Variants in GYPB observed in about 807,000 individuals in gnomAD.
The protein encoded by GYPB is glycophorin-B.
In GYPB, 13 loss-of-function variants were observed where a neutral mutation model predicts 15.3. The ratio of observed to expected loss-of-function variants is 0.85; its 90% CI spans 0.55 to 1.35. The LOEUF (loss-of-function observed/expected upper bound fraction) is 1.35. GYPB is among the 40% of genes most tolerant of loss of function. The pLI is 0.00. For synonymous variants in GYPB, 38 were observed against 36.9 expected (o/e 1.03, Z -0.11); for missense variants, 131 against 108.3 (o/e 1.21, Z -0.93).
At chr4:143,995,242 A>G (rs1452803407), downstream of GYPB, among the ~76,000 whole-genome samples, 5 of 151,606 alleles carry the variant, frequency 3.3e-5, no homozygotes, top group East Asian at 9.7e-4. Flanking sequence ...TTTAGAATTT[A>G]TACATTCAAA....
At chr4:144,010,433 C>T (rs1728157692) in intron 1 of GYPB, among the ~76,000 whole-genome samples, 1 of 151,382 alleles carries the variant, frequency 6.6e-6, no homozygotes, top group Non-Finnish European at 1.5e-5. Context: ...TGTGCCGTTG[C>T]AGTCCAGCTT....
chr4:143,999,210 C>T (rs973108600), intron 3 of GYPB: 2 of 467,122 alleles, frequency 4.3e-6, no homozygotes, highest in Admixed American at 4.4e-5. Flanking sequence ...CCCCTGGCCC[C>T]CAAAATGTTT....
In GYPB at chr4:144,016,342, C is replaced by T. The variant is rs532233161; in HGVS notation, c.37+2909G>A. On this transcript the variant is annotated intron_variant, in intron 1 of 4. Coordinates refer to ENST00000502664, the MANE Select transcript of GYPB (RefSeq NM_002100.6). Reference sequence around the variant, plus strand: ...TCCTCCCCTTCCTCCTGTCTCTTCCCTTCCCTTCTCTCTTCTCCCTTCTTG... The same window carrying T: ...TCCTCCCCTTCCTCCTGTCTCTTCCTTTCCCTTCTCTCTTCTCCCTTCTTG... Among the ~76,000 whole-genome samples, 317 of 149,830 alleles carry T rather than the reference C, an allele frequency of 2.1e-3. 3 individuals carry two copies. The highest frequency in any genetic ancestry group is 3.9e-3 in the Non-Finnish European group (264 of 67,824).
chr4:144,007,923 C>T (rs567663836), intron 1 of GYPB, among the ~76,000 whole-genome samples: 14 of 151,474 alleles, frequency 9.2e-5, no homozygotes, highest in Non-Finnish European at 2.1e-4. Context: ...TAGGTGCACA[C>T]CACCATGCCT....
intron 1 of GYPB, among the ~76,000 whole-genome samples, chr4:144,004,372 C>T (rs1255023429): frequency 6.6e-6 from 1 of 151,958 alleles, no homozygotes; most frequent in Non-Finnish European, 1.5e-5. Flanking sequence ...AATTAATACC[C>T]ATGCTTGCTT....
At position 143,999,325 on chromosome 4, in the gene GYPB, A is replaced by C. The variant is rs936767763; in HGVS notation, c.175+86T>G. 5 of 729,524 alleles carry C rather than the reference A, an allele frequency of 6.9e-6. No homozygotes were observed. In the African/African-American group the frequency reaches 9.1e-5, roughly 13 times the overall value. The allele number at this position is 729,524 out of a possible 1,614,324, so 45.2% of individuals were successfully genotyped here. On this transcript the variant is annotated intron_variant, in intron 3 of 4. Transcript: ENST00000502664. ...ACAACATATGCTCTTCTGTTTTAAGATAGACACATTTTCTTAGGCATTTGA... is the reference window on the plus strand; with the variant it reads ...ACAACATATGCTCTTCTGTTTTAAGCTAGACACATTTTCTTAGGCATTTGA...
At chr4:144,000,343 A>G (rs113201016) in intron 2 of GYPB, 9 of 454,036 alleles carry the variant, frequency 2.0e-5, no homozygotes, top group African/African-American at 1.5e-4. Flanking sequence ...TTCAATCACA[A>G]CAATGACTCC....
At chr4:143,997,273 T>C in intron 4 of GYPB, 1 of 311,352 alleles carries the variant, frequency 3.2e-6, no homozygotes, top group Non-Finnish European at 6.1e-6. Flanking sequence ...CATCAAAATA[T>C]GTGAAAGCAA....
chr4:144,000,183 T>C (rs1727549398), intron 2 of GYPB: 1 of 166,552 alleles, frequency 6.0e-6, no homozygotes, highest in African/African-American at 2.4e-5. Context: ...TTCTTTAGGC[T>C]TTACGTACAA....
chr4:144,017,235 T>C (rs1221439876), intron 1 of GYPB, among the ~76,000 whole-genome samples: 1 of 150,404 alleles, frequency 6.6e-6, no homozygotes, highest in Non-Finnish European at 1.5e-5. Context: ...AAAAAATGGG[T>C]TCTCCATTTG....
rs567166397 is a variant in GYPB, at chr4:144,015,653, A to G, written c.37+3598T>C. 1.3e-3 allele frequency among the ~76,000 whole-genome samples: 196 copies of G among 151,498 alleles called. 7 individuals are homozygous for G. The highest frequency in any genetic ancestry group is 4.5e-3 in the African/African-American group (182 of 40,816). The stretch of plus-strand genomic sequence containing the variant: ...AAAATCACTACGAAGTAAGTTTGAG[A>G]TACCATCCCTACTTTCCCCTCTATT... On this transcript the variant is annotated intron_variant, in intron 1 of 4. Coordinates refer to ENST00000502664, the MANE Select transcript of GYPB (RefSeq NM_002100.6).
At chr4:144,000,566 C>G (rs1452680443) in intron 2 of GYPB, 16 of 350,048 alleles carry the variant, frequency 4.6e-5, no homozygotes, top group Non-Finnish European at 7.1e-5. Context: ...TCCCACATCC[C>G]TCCCAGCAGC....
chr4:144,005,106 T>C (rs1727835316), intron 1 of GYPB, among the ~76,000 whole-genome samples: 1 of 151,972 alleles, frequency 6.6e-6, no homozygotes, highest in East Asian at 1.9e-4. Context: ...TAAAGGTCAG[T>C]TTAAGTATTG....
rs946906800 is a variant in GYPB, at chr4:144,000,486, G to A, written c.136+699C>T. ...CCCGTTTGTGCTTATCTGCATATAA[G>A]AGAAGTTGAGAAAGGGAACAAGAAT... On this transcript the variant is annotated intron_variant, in intron 2 of 4. Coordinates refer to ENST00000502664, the MANE Select transcript of GYPB (RefSeq NM_002100.6). 81 of 834,864 alleles carry A rather than the reference G, an allele frequency of 9.7e-5. 3 individuals carry two copies. Among genetic ancestry groups the A allele is most frequent in the African/African-American group, 7.0e-4 (38 of 53,996 alleles). The allele number at this position is 834,864 out of a possible 1,614,324, so 51.7% of individuals were successfully genotyped here. A position where few individuals can be genotyped will look rare whatever the true frequency, so the allele number is the denominator to read the frequency against.
chr4:143,996,202 A>G lies in GYPB; in HGVS notation c.*97T>C. On this transcript the variant is annotated 3_prime_UTR_variant, in exon 5 of 5. Transcript: ENST00000502664. The stretch of plus-strand genomic sequence containing the variant: ...TTAGGATAGCCAGGGGTAGGGGCAT[A>G]AGCAAAGGAATAGCAGGTGCAGCCA... The G allele has an allele frequency of 1.3e-6, 2 of 1,548,214 alleles. No individual in the cohort carries two copies. The highest frequency in any genetic ancestry group is 2.0e-5 in the Admixed American group (1 of 50,926).
intron 1 of GYPB, among the ~76,000 whole-genome samples, chr4:144,009,909 G>A (rs1728131367): frequency 6.7e-6 from 1 of 149,724 alleles, no homozygotes; most frequent in Admixed American, 6.6e-5. Context: ...CACTGTACCC[G>A]GCCTATTTTG....
intron 1 of GYPB, among the ~76,000 whole-genome samples, chr4:144,002,322 G>A (rs1390550257): frequency 3.3e-5 from 5 of 151,418 alleles, no homozygotes; most frequent in African/African-American, 1.2e-4. Flanking sequence ...GGATCATGGT[G>A]TTTAAATATG....
chr4:144,018,355 A>G (rs1427048465), intron 1 of GYPB, among the ~76,000 whole-genome samples: 1 of 149,604 alleles, frequency 6.7e-6, no homozygotes, highest in Non-Finnish European at 1.5e-5. Context: ...CCCCTAGGGT[A>G]TCTTAGAAAA....
rs374342942 is a variant in GYPB, at chr4:144,001,968, CAAAAAA to C, written c.38-691_38-686del. Among the ~76,000 whole-genome samples the C allele has an allele frequency of 1.9e-4, 18 of 96,258 alleles. No individual in the cohort carries two copies. In the East Asian group the frequency reaches 2.7e-3, roughly 15 times the overall value. 63.1% of individuals were successfully genotyped at this position (96,258 alleles called of 152,430 possible). A position where few individuals can be genotyped will look rare whatever the true frequency, so the allele number is the denominator to read the frequency against. The stretch of plus-strand genomic sequence containing the variant: ...TGGGCGACAGAACGAGATTCCGTTT[CAAAAAA>C]AAAAAAAAAAAAAAACCACACACGC... On this transcript the variant is annotated intron_variant, in intron 1 of 4. Coordinates refer to ENST00000502664, the MANE Select transcript of GYPB (RefSeq NM_002100.6).
Sources: gnomAD v4.1 joint callset for allele counts (sites outside exome capture counted in the v4.1 genomes callset) on GRCh38, gnomAD v4.1.1 for gene constraint, MANE v1.5 for transcripts, NCBI Gene and HGNC (gene_info 2026-07-23, HGNC 2026-07-21) for gene names.